CFAP299: variants seen among roughly 807,000 people sequenced by gnomAD.
The protein encoded by CFAP299 is cilia and flagella associated protein 299, also known as cilia- and flagella-associated protein 299.
Under a neutral mutation model 27.0 loss-of-function variants are expected in CFAP299, and 21 were observed. That is an observed-to-expected ratio of 0.78 (90% CI 0.55 to 1.12). The LOEUF (loss-of-function observed/expected upper bound fraction) is 1.12, where lower values mean the gene tolerates loss of function less well. Among genes scored for constraint, CFAP299 ranks in the 50% most tolerant of loss-of-function variants. The pLI, the probability that CFAP299 is intolerant of heterozygous loss-of-function variation, is 0.00. For missense variants in CFAP299, 310 were observed against 276.6 expected, an observed-to-expected ratio of 1.12 and a Z score of -0.86; for synonymous variants, 104 against 98.1, an observed-to-expected ratio of 1.06 and a Z score of -0.36.
chr4:80,884,116 C>G (rs1339821659), intron 4 of CFAP299, among the ~76,000 whole-genome samples: 1 of 152,116 alleles, frequency 6.6e-6, no homozygotes, highest in Non-Finnish European at 1.5e-5. Flanking sequence ...GAACATGAGG[C>G]AATTCTCCAC....
intron 4 of CFAP299, among the ~76,000 whole-genome samples, chr4:80,901,456 T>C (rs944635391): frequency 2.0e-5 from 3 of 152,136 alleles, no homozygotes; most frequent in Admixed American, 2.0e-4. Flanking sequence ...AAACTGAGCA[T>C]AAGTTATTTT....
chr4:80,529,672 T>A (rs1375903346), intron 2 of CFAP299, among the ~76,000 whole-genome samples: 1 of 152,214 alleles, frequency 6.6e-6, no homozygotes, highest in African/African-American at 2.4e-5. Flanking sequence ...TCTATTTTAT[T>A]TTCTATGTAC....
intron 1 of CFAP299, among the ~76,000 whole-genome samples, chr4:80,343,349 C>T (rs754625780): frequency 7.2e-5 from 11 of 152,220 alleles, no homozygotes; most frequent in Non-Finnish European, 1.6e-4. Flanking sequence ...ACAGAACTCT[C>T]AACCCAAACA....
At chr4:80,684,684 G>A (rs73832435) in intron 3 of CFAP299, among the ~76,000 whole-genome samples, 1 of 148,946 alleles carries the variant, frequency 6.7e-6, no homozygotes. Context: ...TCTTTTTTTT[G>A]TTGTTGTTGT....
At chr4:80,911,908 T>C (rs1735491175) in intron 4 of CFAP299, among the ~76,000 whole-genome samples, 1 of 150,976 alleles carries the variant, frequency 6.6e-6, no homozygotes, top group Non-Finnish European at 1.5e-5. Context: ...CACTTAGAAC[T>C]GAGTTTCAAA....
intron 3 of CFAP299, among the ~76,000 whole-genome samples, chr4:80,777,432 G>T (rs1474022511): frequency 6.6e-6 from 1 of 151,932 alleles, no homozygotes; most frequent in Non-Finnish European, 1.5e-5. Flanking sequence ...TTTTCATTCA[G>T]GCTAGGCTAG....
chr4:80,392,236 T>C (rs1291382724), intron 2 of CFAP299, among the ~76,000 whole-genome samples: 1 of 152,180 alleles, frequency 6.6e-6, no homozygotes, highest in Non-Finnish European at 1.5e-5. Context: ...GGGACTTGCC[T>C]TGTCTCAGAT....
chr4:80,612,803 A>G (rs78244058), intron 3 of CFAP299, among the ~76,000 whole-genome samples: 6,505 of 152,130 alleles, frequency 0.043, 455 homozygotes, highest in African/African-American at 0.14. Context: ...GTTTTAAATT[A>G]ATTAAGTAGT....
chr4:80,463,699 T>C (rs1729569741), intron 2 of CFAP299, among the ~76,000 whole-genome samples: 1 of 152,134 alleles, frequency 6.6e-6, no homozygotes, highest in Non-Finnish European at 1.5e-5. Flanking sequence ...CCCAACCTTA[T>C]GACCTTATTT....
chr4:80,442,304 A>T (rs998004803), intron 2 of CFAP299, among the ~76,000 whole-genome samples: 1 of 152,214 alleles, frequency 6.6e-6, no homozygotes, highest in East Asian at 1.9e-4. Flanking sequence ...ACATAATTAG[A>T]AGTAAAACAC....
At chr4:80,345,992 T>G (rs1722707725) in intron 1 of CFAP299, among the ~76,000 whole-genome samples, 1 of 152,244 alleles carries the variant, frequency 6.6e-6, no homozygotes, top group Non-Finnish European at 1.5e-5. Context: ...TGGTATCTCA[T>G]TATGGTTTTG....
At chr4:80,858,962 C>T (rs976508759) in intron 3 of CFAP299, among the ~76,000 whole-genome samples, 2 of 152,044 alleles carry the variant, frequency 1.3e-5, no homozygotes, top group African/African-American at 4.8e-5. Flanking sequence ...TCCTGGGTAT[C>T]CTTGTTGACT....
At chr4:80,622,162 T>C (rs1738641001) in intron 3 of CFAP299, among the ~76,000 whole-genome samples, 3 of 152,150 alleles carry the variant, frequency 2.0e-5, no homozygotes, top group African/African-American at 7.2e-5. Context: ...ATTTTATTTT[T>C]GAATAATAAT....
At chr4:80,412,723 T>C (rs1262644905) in intron 2 of CFAP299, among the ~76,000 whole-genome samples, 1 of 152,154 alleles carries the variant, frequency 6.6e-6, no homozygotes, top group Non-Finnish European at 1.5e-5. Flanking sequence ...GTGTCTCAAT[T>C]ATTGTTGGAT....
intron 3 of CFAP299, among the ~76,000 whole-genome samples, chr4:80,662,402 A>G (rs1429733260): frequency 1.5e-5 from 1 of 67,798 alleles, no homozygotes; most frequent in Non-Finnish European, 3.1e-5. Context: ...TTGGGTGTGA[A>G]TTTCCCCCGA....
intron 2 of CFAP299, among the ~76,000 whole-genome samples, chr4:80,447,126 T>TTA (rs1553923898): frequency 1.7e-5 from 2 of 118,160 alleles, no homozygotes; most frequent in Non-Finnish European, 3.4e-5. Flanking sequence ...TTTGTTTTTT[T>TTA]TTTGTTTTTT....
At chr4:80,673,698 C>T (rs1719180460) in intron 3 of CFAP299, among the ~76,000 whole-genome samples, 1 of 152,140 alleles carries the variant, frequency 6.6e-6, no homozygotes, top group Non-Finnish European at 1.5e-5. Flanking sequence ...TCTTGATGCT[C>T]CTGTATTGGG....
intron 4 of CFAP299, among the ~76,000 whole-genome samples, chr4:80,892,604 A>G (rs927002861): frequency 5.3e-5 from 8 of 152,186 alleles, no homozygotes; most frequent in African/African-American, 1.9e-4. Context: ...GTGATGCACC[A>G]TTTTCACACA....
At chr4:80,740,669 G>A (rs1395005385) in intron 3 of CFAP299, among the ~76,000 whole-genome samples, 1 of 152,168 alleles carries the variant, frequency 6.6e-6, no homozygotes, top group Non-Finnish European at 1.5e-5. Flanking sequence ...TAGGAGCCAG[G>A]AATTGGAGTT....
Sources: gnomAD v4.1 joint callset for allele counts (sites outside exome capture counted in the v4.1 genomes callset) on GRCh38, gnomAD v4.1.1 for gene constraint, MANE v1.5 for transcripts, NCBI Gene and HGNC (gene_info 2026-07-23, HGNC 2026-07-21) for gene names.